TASP1: variants seen among roughly 807,000 people sequenced by gnomAD.
TASP1 encodes the protein threonine aspartase 1.
Under a neutral mutation model 56.6 loss-of-function variants are expected in TASP1, and 16 were observed. That is an observed-to-expected ratio of 0.28 (90% CI 0.19 to 0.43). The LOEUF (loss-of-function observed/expected upper bound fraction) is 0.43. TASP1 is among the 20% of genes least tolerant of loss of function. TASP1 has a pLI of 1.00. For missense variants in TASP1, 393 were observed against 511.6 expected (o/e 0.77, Z 2.24); for synonymous variants, 179 against 184.2 (o/e 0.97, Z 0.23).
At chr20:13,340,461 A>G in the TASP1 span, among the ~76,000 whole-genome samples, 1 of 151,256 alleles carries the variant, frequency 6.6e-6, no homozygotes, top group African/African-American at 2.4e-5. Context: ...ACTCCATCAT[A>G]CCAGTATACA....
chr20:13,350,213 T>C, the TASP1 span, among the ~76,000 whole-genome samples: 3 of 141,776 alleles, frequency 2.1e-5, no homozygotes, highest in African/African-American at 8.6e-5. Flanking sequence ...TAATAAAAAC[T>C]CCAAAAACTA....
the TASP1 span, among the ~76,000 whole-genome samples, chr20:13,199,073 A>T: frequency 4.1e-3 from 597 of 146,670 alleles, 4 homozygotes; most frequent in African/African-American, 0.014. Context: ...ACCTGGCTAA[A>T]TTTTTTTTTT....
chr20:13,611,363 T>C (rs2048341758), intron 4 of TASP1, among the ~76,000 whole-genome samples: 1 of 152,056 alleles, frequency 6.6e-6, no homozygotes, highest in East Asian at 1.9e-4. Flanking sequence ...GTCACCGAGG[T>C]TTTTGATCTG....
the TASP1 span, among the ~76,000 whole-genome samples, chr20:13,282,864 C>T: frequency 6.6e-6 from 1 of 152,292 alleles, no homozygotes; most frequent in South Asian, 2.1e-4. Flanking sequence ...AGCCCTCCGA[C>T]CACACTTTGA....
chr20:13,493,931 C>T (rs1325199319), intron 10 of TASP1, among the ~76,000 whole-genome samples: 1 of 151,696 alleles, frequency 6.6e-6, no homozygotes, highest in African/African-American at 2.4e-5. Flanking sequence ...ACAAATGAAC[C>T]CAGGGAAGGA....
At chr20:13,502,210 C>T (rs2043972419) in intron 10 of TASP1, among the ~76,000 whole-genome samples, 1 of 151,616 alleles carries the variant, frequency 6.6e-6, no homozygotes, top group Non-Finnish European at 1.5e-5. Context: ...AAAAATAATA[C>T]ATTAAAAAAA....
At chr20:13,610,776 G>C (rs2048324109) in intron 4 of TASP1, among the ~76,000 whole-genome samples, 1 of 151,862 alleles carries the variant, frequency 6.6e-6, no homozygotes, top group Admixed American at 6.6e-5. Flanking sequence ...TGAAAGCTAG[G>C]GAATCATCAT....
the TASP1 span, among the ~76,000 whole-genome samples, chr20:13,350,231 A>G: frequency 1.3e-5 from 2 of 152,326 alleles, no homozygotes; most frequent in Admixed American, 6.5e-5. Flanking sequence ...CTAATGAAAG[A>G]AAGAAGATCT....
At chr20:13,493,118 T>C (rs2043596370) in intron 10 of TASP1, among the ~76,000 whole-genome samples, 2 of 152,126 alleles carry the variant, frequency 1.3e-5, no homozygotes, top group Admixed American at 1.3e-4. Context: ...ACGCAAATAC[T>C]TTCACAGATT....
the TASP1 span, among the ~76,000 whole-genome samples, chr20:13,155,018 T>C: frequency 6.6e-6 from 1 of 151,860 alleles, no homozygotes; most frequent in African/African-American, 2.4e-5. Flanking sequence ...CTGTCTCTAC[T>C]AAAAATACAA....
chr20:13,299,029 G>T, the TASP1 span: 2 of 1,613,722 alleles, frequency 1.2e-6, no homozygotes, highest in Non-Finnish European at 1.7e-6. This position sits in a 1 kb window ranked among gnomAD's most constrained non-coding sequence, Gnocchi z 5.8. Context: ...CTGCCCAGCT[G>T]CCCCTGCTCC....
At chr20:13,577,276 T>A (rs896603230) in intron 6 of TASP1, among the ~76,000 whole-genome samples, 7 of 152,094 alleles carry the variant, frequency 4.6e-5, no homozygotes, top group Non-Finnish European at 1.0e-4. Flanking sequence ...ATTGGCAGAG[T>A]TTAGTCTAGG....
At chr20:13,500,732 G>A (rs1288328900) in intron 10 of TASP1, among the ~76,000 whole-genome samples, 2 of 151,874 alleles carry the variant, frequency 1.3e-5, no homozygotes, top group East Asian at 1.9e-4. Context: ...ATACAAAGAG[G>A]AAAAGAATGA....
chr20:13,235,421 C>G, the TASP1 span, among the ~76,000 whole-genome samples: 1 of 152,182 alleles, frequency 6.6e-6, no homozygotes, highest in Non-Finnish European at 1.5e-5. Flanking sequence ...AAGCAAAATC[C>G]TTACACTTCT....
At chr20:13,199,709 T>C in the TASP1 span, among the ~76,000 whole-genome samples, 10 of 152,184 alleles carry the variant, frequency 6.6e-5, no homozygotes, top group Admixed American at 1.3e-4. Flanking sequence ...CAGTGAACAG[T>C]TGAATCTTAA....
the TASP1 span, among the ~76,000 whole-genome samples, chr20:13,139,391 A>G: frequency 3.9e-5 from 6 of 152,238 alleles, no homozygotes; most frequent in African/African-American, 1.4e-4. Context: ...CACAATAGAA[A>G]TTCATTTTTT....
At chr20:13,626,263 A>G (rs2048882773) in intron 2 of TASP1, among the ~76,000 whole-genome samples, 1 of 152,208 alleles carries the variant, frequency 6.6e-6, no homozygotes, top group Admixed American at 6.5e-5. Context: ...CATCTCTCCT[A>G]AAAATACAAA....
chr20:13,253,648 G>T, the TASP1 span, among the ~76,000 whole-genome samples: 1 of 152,054 alleles, frequency 6.6e-6, no homozygotes, highest in African/African-American at 2.4e-5. Flanking sequence ...TTCCACAGGG[G>T]ATAGGACCCG....
the TASP1 span, chr20:13,279,865 C>T: frequency 2.6e-5 from 42 of 1,613,934 alleles, no homozygotes; most frequent in Middle Eastern, 8.2e-4. Flanking sequence ...CCCAGGCCAC[C>T]GGACTTTTGA....
Sources: allele counts gnomAD v4.1 joint callset (sites outside exome capture counted in the v4.1 genomes callset), GRCh38; gene constraint gnomAD v4.1.1; non-coding constraint Gnocchi (gnomAD v3.1); transcripts MANE v1.5; gene names NCBI Gene and HGNC (gene_info 2026-07-23, HGNC 2026-07-21).